IQCM: variants seen among roughly 807,000 people sequenced by gnomAD.
The protein encoded by IQCM is IQ domain-containing protein M.
A neutral mutation model predicts 57.6 loss-of-function variants in IQCM; 45 were observed. The ratio of observed to expected loss-of-function variants is 0.78; its 90% CI spans 0.62 to 1.00. The LOEUF (loss-of-function observed/expected upper bound fraction) is 1.00. Ranked by LOEUF, IQCM falls within the 50% of genes least tolerant of loss-of-function variation. IQCM has a pLI of 0.00. For synonymous variants in IQCM, 148 were observed against 158.9 expected (o/e 0.93, Z 0.51); for missense variants, 468 against 511.6 (o/e 0.91, Z 0.82).
chr4:149,514,549 G>C (rs1744746130), intron 12 of IQCM: 2 of 152,316 alleles, frequency 1.3e-5, no homozygotes, highest in African/African-American at 4.8e-5. Context: ...TCATATCAAT[G>C]ATAAACATTT....
intron 9 of IQCM, among the ~76,000 whole-genome samples, chr4:149,575,998 A>G (rs1162801727): frequency 1.3e-5 from 2 of 151,892 alleles, no homozygotes; most frequent in Non-Finnish European, 1.5e-5. Context: ...TTCAAAAAAC[A>G]CAATTATTTC....
chr4:149,665,298 TG>T (rs1327339298), intron 7 of IQCM, among the ~76,000 whole-genome samples: 1 of 152,172 alleles, frequency 6.6e-6, no homozygotes, highest in Non-Finnish European at 1.5e-5. Context: ...CTGTGAGGAC[TG>T]AAGGACCCTC....
At chr4:149,661,376 T>C (rs1436460829) in intron 7 of IQCM, among the ~76,000 whole-genome samples, 1 of 152,178 alleles carries the variant, frequency 6.6e-6, no homozygotes, top group Non-Finnish European at 1.5e-5. Context: ...TTGTTGAGAA[T>C]GTTTGCATCT....
chr4:149,757,030 G>T (rs547927042), intron 2 of IQCM, among the ~76,000 whole-genome samples: 1 of 152,142 alleles, frequency 6.6e-6, no homozygotes, highest in Non-Finnish European at 1.5e-5. Context: ...AGGCCAAGGC[G>T]GGTGGATCAC....
chr4:149,629,157 G>C (rs369351463), intron 7 of IQCM, among the ~76,000 whole-genome samples: 2 of 152,122 alleles, frequency 1.3e-5, no homozygotes, highest in East Asian at 3.9e-4. Flanking sequence ...CTATAGCTTG[G>C]TCTTAAAGTG....
Position 149,742,730 on chromosome 4 carries a change from G to T in IQCM, c.-39C>A. 1 of 1,203,256 alleles carries T rather than the reference G, an allele frequency of 8.3e-7. No individual in the cohort carries two copies. The highest frequency in any genetic ancestry group is 1.0e-6 in the Non-Finnish European group (1 of 961,764). The allele number at this position is 1,203,256 out of a possible 1,614,324, so 74.5% of individuals were successfully genotyped here. A position where few individuals can be genotyped will look rare whatever the true frequency, so the allele number is the denominator to read the frequency against. ...AATGATCTTCTTTTTTAAAGTGTGAGCTCCAAGTCCTTAAACACAGTTACA... is the reference window on the plus strand; with the variant it reads ...AATGATCTTCTTTTTTAAAGTGTGATCTCCAAGTCCTTAAACACAGTTACA... On this transcript the variant is annotated 5_prime_UTR_variant, in exon 3 of 14. Coordinates refer to ENST00000636793, the MANE Select transcript of IQCM (RefSeq NM_001363507.2).
chr4:149,356,562 C>CTT (rs1729002018), intron 13 of IQCM, among the ~76,000 whole-genome samples: 5 of 151,558 alleles, frequency 3.3e-5, no homozygotes, highest in Admixed American at 2.6e-4. Flanking sequence ...TGTAGATATG[C>CTT]GGCATTATTT....
rs548431333 is a variant in IQCM at position 149,494,981 on chromosome 4, G to A, written c.1228+53474C>T. Among the ~76,000 whole-genome samples, 12 of 152,176 alleles carry A rather than the reference G, an allele frequency of 7.9e-5. No homozygotes were observed. The East Asian group carries it at 2.1e-3, about 27-fold the overall frequency. The stretch of plus-strand genomic sequence containing the variant: ...CTGTAGTAAGAGTTATGGTCTTCAG[G>A]ATTGGAACTGGAGGTAATGCCAGAA... On this transcript the variant is annotated intron_variant, in intron 12 of 13. Transcript: ENST00000636793.
intron 7 of IQCM, among the ~76,000 whole-genome samples, chr4:149,640,446 C>T (rs1410546162): frequency 6.6e-6 from 1 of 152,204 alleles, no homozygotes; most frequent in East Asian, 1.9e-4. Flanking sequence ...TATACAATCT[C>T]ACCTGGTCCT....
At chr4:149,455,393 C>T (rs1737584592) in intron 12 of IQCM, among the ~76,000 whole-genome samples, 1 of 152,072 alleles carries the variant, frequency 6.6e-6, no homozygotes, top group South Asian at 2.1e-4. Context: ...CATTGCCTGA[C>T]ATCCTGTGAG....
chr4:149,648,977 A>C (rs1441410605), intron 7 of IQCM, among the ~76,000 whole-genome samples: 1 of 152,148 alleles, frequency 6.6e-6, no homozygotes, highest in Non-Finnish European at 1.5e-5. Flanking sequence ...AATATGGTTC[A>C]CATTTCCTTA....
chr4:149,716,289 C>T (rs1764990200), intron 5 of IQCM, among the ~76,000 whole-genome samples: 1 of 152,210 alleles, frequency 6.6e-6, no homozygotes, highest in Admixed American at 6.5e-5. Flanking sequence ...GAGGCTGGCA[C>T]GTCAGCACAG....
At chr4:149,450,338 CAACCAAAGCAAAAATTGACAAATGG>C (rs1477692560) in intron 12 of IQCM, among the ~76,000 whole-genome samples, 5 of 151,736 alleles carry the variant, frequency 3.3e-5, no homozygotes, top group Admixed American at 6.6e-5. Context: ...TAAGAACAGG[CAACCAAAGCAAAAATTGACAAATGG>C]AATCAGATCA....
chr4:149,496,042 C>A (rs1742621893), intron 12 of IQCM, among the ~76,000 whole-genome samples: 1 of 152,082 alleles, frequency 6.6e-6, no homozygotes, highest in Non-Finnish European at 1.5e-5. Context: ...TGCAACTGGG[C>A]AGTTTCCATT....
intron 12 of IQCM, among the ~76,000 whole-genome samples, chr4:149,501,757 T>G (rs1441723675): frequency 1.3e-5 from 2 of 152,102 alleles, no homozygotes; most frequent in African/African-American, 4.8e-5. Context: ...TCATGAACAG[T>G]GCATGGCCCA....
intron 7 of IQCM, among the ~76,000 whole-genome samples, chr4:149,642,501 G>T (rs1758282113): frequency 6.6e-6 from 1 of 152,078 alleles, no homozygotes; most frequent in South Asian, 2.1e-4. Context: ...ATGACAAAAA[G>T]TATTTTCCTC....
chr4:149,668,159 G>A (rs1760906013), intron 7 of IQCM, among the ~76,000 whole-genome samples: 2 of 152,114 alleles, frequency 1.3e-5, no homozygotes, highest in African/African-American at 4.8e-5. Flanking sequence ...AGGAAAAAAT[G>A]TTAAGGGCAG....
rs527713168 is a variant in IQCM at position 149,798,763 on chromosome 4, G to T, written c.-49+16548C>A. Among the ~76,000 whole-genome samples the T allele has an allele frequency of 7.2e-5, 11 of 152,044 alleles. 1 individual carries two copies. Among genetic ancestry groups the T allele is most frequent in the Middle Eastern group, 3.4e-3 (1 of 294 alleles). On this transcript the variant is annotated intron_variant, in intron 2 of 13. Coordinates refer to ENST00000636793, the MANE Select transcript of IQCM (RefSeq NM_001363507.2). ...GAGACAAAAAAGTTCACTATATAAC[G>T]ATGAAGGTGTCAATTCAGCAAGAGG...
chr4:149,678,317 T>A (rs1462121716), intron 7 of IQCM, among the ~76,000 whole-genome samples: 1 of 151,860 alleles, frequency 6.6e-6, no homozygotes, highest in African/African-American at 2.4e-5. Flanking sequence ...AAGCTCCATT[T>A]AATCTGGCAA....
Sources: gnomAD v4.1 joint callset for allele counts (sites outside exome capture counted in the v4.1 genomes callset) on GRCh38, gnomAD v4.1.1 for gene constraint, MANE v1.5 for transcripts, NCBI Gene and HGNC (gene_info 2026-07-23, HGNC 2026-07-21) for gene names.